PCDH15: variants seen among roughly 807,000 people sequenced by gnomAD.
PCDH15 encodes the protein protocadherin-15.
Under a neutral mutation model 178.5 loss-of-function variants are expected in PCDH15, and 129 were observed. The ratio of observed to expected loss-of-function variants is 0.72; its 90% CI spans 0.63 to 0.84. The LOEUF is 0.84. Among genes scored for constraint, PCDH15 ranks in the 40% least tolerant of loss-of-function variants. The probability of loss-of-function intolerance (pLI) is 0.00; values close to 1 mark genes in which losing one functional copy is unlikely to be tolerated. For missense variants in PCDH15, 2,230 were observed against 2,099.9 expected (o/e 1.06, Z -1.21); for synonymous variants, 800 against 732.0 (o/e 1.09, Z -1.50).
intron 22 of PCDH15, among the ~76,000 whole-genome samples, chr10:53,960,289 T>G (rs1184023430): frequency 3.3e-5 from 5 of 152,204 alleles, no homozygotes; most frequent in African/African-American, 1.2e-4. Flanking sequence ...AAAAAAGAAA[T>G]TAATTTTCCT....
chr10:55,087,396 C>T (rs1842198797), intron 2 of PCDH15, among the ~76,000 whole-genome samples: 1 of 152,124 alleles, frequency 6.6e-6, no homozygotes, highest in African/African-American at 2.4e-5. Flanking sequence ...GGAAACATAA[C>T]TATGAAATGT....
intron 2 of PCDH15, among the ~76,000 whole-genome samples, chr10:55,072,105 G>C (rs1247325311): frequency 6.6e-6 from 1 of 151,964 alleles, no homozygotes; most frequent in East Asian, 1.9e-4. Context: ...ACAATGTGTA[G>C]AGGGAAATTT....
At chr10:55,134,714 T>G (rs555384660) in intron 2 of PCDH15, among the ~76,000 whole-genome samples, 1 of 152,304 alleles carries the variant, frequency 6.6e-6, no homozygotes, top group East Asian at 1.9e-4. Context: ...TGTGAGAACT[T>G]TAAAACTGTT....
intron 2 of PCDH15, among the ~76,000 whole-genome samples, chr10:55,598,551 T>TATATAGATAGATAGATAGATAG (rs1842989306): frequency 3.1e-5 from 2 of 64,912 alleles, no homozygotes; most frequent in African/African-American, 1.5e-4. Flanking sequence ...TATATATATA[T>TATATAGATAGATAGATAGATAG]ATATATATAT....
chr10:55,408,588 C>A (rs748756856), intron 2 of PCDH15, among the ~76,000 whole-genome samples: 5 of 152,136 alleles, frequency 3.3e-5, no homozygotes, highest in Non-Finnish European at 7.3e-5. Context: ...CAAATACTAA[C>A]TATATTCAAA....
intron 2 of PCDH15, among the ~76,000 whole-genome samples, chr10:54,602,655 TGA>T (rs2092591078): frequency 6.6e-6 from 1 of 152,020 alleles, no homozygotes. Flanking sequence ...CCTATTGTAT[TGA>T]GAGTTTTTTA....
chr10:54,695,122 G>A, intron 1 of PCDH15, among the ~76,000 whole-genome samples: 1 of 152,110 alleles, frequency 6.6e-6, no homozygotes, highest in Non-Finnish European at 1.5e-5. Context: ...GTTAAATGAT[G>A]AGTTAATGGG....
chr10:54,300,935 G>A (rs962972230), intron 8 of PCDH15, among the ~76,000 whole-genome samples: 2 of 152,148 alleles, frequency 1.3e-5, no homozygotes, highest in African/African-American at 4.8e-5. Context: ...TGGAAGCTCT[G>A]TTTTTTCACT....
At chr10:54,944,020 G>T (rs575306469) in intron 2 of PCDH15, among the ~76,000 whole-genome samples, 1 of 151,842 alleles carries the variant, frequency 6.6e-6, no homozygotes, top group Non-Finnish European at 1.5e-5. Flanking sequence ...ATAAGGCCTG[G>T]GTTAAATTTC....
chr10:54,072,199 G>A (rs2094257810), intron 17 of PCDH15, among the ~76,000 whole-genome samples: 1 of 151,944 alleles, frequency 6.6e-6, no homozygotes, highest in Non-Finnish European at 1.5e-5. Flanking sequence ...GGGACAATGA[G>A]GATTTATAGT....
At chr10:54,117,301 G>T (rs1226399076) in intron 15 of PCDH15, among the ~76,000 whole-genome samples, 1 of 152,094 alleles carries the variant, frequency 6.6e-6, no homozygotes, top group East Asian at 1.9e-4. Context: ...TAAGCCTGTG[G>T]TTGGACCAGA....
chr10:54,540,553 A>G (rs1236385215), intron 2 of PCDH15, among the ~76,000 whole-genome samples: 7 of 152,084 alleles, frequency 4.6e-5, no homozygotes, highest in Non-Finnish European at 1.0e-4. Flanking sequence ...CACCAGATGA[A>G]CTCACAGCCG....
At chr10:55,469,978 T>C (rs1044903783) in intron 2 of PCDH15, among the ~76,000 whole-genome samples, 3 of 152,152 alleles carry the variant, frequency 2.0e-5, no homozygotes, top group Non-Finnish European at 4.4e-5. Context: ...TTTAAAAATA[T>C]TGTAATTGCT....
At chr10:54,600,538 C>T in intron 2 of PCDH15, 1 of 578,300 alleles carries the variant, frequency 1.7e-6, no homozygotes, top group East Asian at 4.5e-5. Flanking sequence ...GGAGATGGTG[C>T]TACCAAATAC....
At chr10:54,752,499 C>G (rs1363947890) in intron 1 of PCDH15, among the ~76,000 whole-genome samples, 1 of 66,646 alleles carries the variant, frequency 1.5e-5, no homozygotes, top group African/African-American at 6.3e-5. Flanking sequence ...AAACAAAAAA[C>G]AAAAAACAAA....
intron 3 of PCDH15, among the ~76,000 whole-genome samples, chr10:54,882,752 A>T (rs1036981962): frequency 2.6e-5 from 4 of 152,070 alleles, no homozygotes; most frequent in African/African-American, 9.7e-5. Flanking sequence ...ATACCATTCA[A>T]AATAGACATG....
At chr10:55,183,369 A>T (rs1433827007) in intron 1 of PCDH15, among the ~76,000 whole-genome samples, 1 of 151,962 alleles carries the variant, frequency 6.6e-6, no homozygotes, top group Non-Finnish European at 1.5e-5. Context: ...GAAATAAAAA[A>T]TCTGAGATAA....
chr10:54,835,354 G>T (rs1953298189), intron 3 of PCDH15, among the ~76,000 whole-genome samples: 1 of 152,008 alleles, frequency 6.6e-6, no homozygotes, highest in Non-Finnish European at 1.5e-5. Flanking sequence ...TGTTGGTTTT[G>T]CCAAGTTCAG....
chr10:53,855,899 G>GATGTGT (rs1554832729), intron 28 of PCDH15, among the ~76,000 whole-genome samples: 17 of 77,780 alleles, frequency 2.2e-4, no homozygotes, highest in African/African-American at 1.2e-3. Context: ...AAAAAAAGGT[G>GATGTGT]ATATGTATAT....
Sources: allele counts gnomAD v4.1 joint callset (sites outside exome capture counted in the v4.1 genomes callset), GRCh38; gene constraint gnomAD v4.1.1; transcripts MANE v1.5; gene names NCBI Gene and HGNC (gene_info 2026-07-23, HGNC 2026-07-21).